The following ATP6V0A4 variants were observed in gnomAD, a reference collection of about 807,000 sequenced individuals.
The protein encoded by ATP6V0A4 is ATPase H+ transporting V0 subunit a4.
In ATP6V0A4, 86 loss-of-function variants were observed where a neutral mutation model predicts 107.3. The ratio of observed to expected loss-of-function variants is 0.80; its 90% confidence interval spans 0.67 to 0.96. The LOEUF (loss-of-function observed/expected upper bound fraction) is 0.96, where lower values mean the gene tolerates loss of function less well. Ranked by LOEUF, ATP6V0A4 falls within the 40% of genes least tolerant of loss-of-function variation. ATP6V0A4 has a pLI of 0.00. For missense variants in ATP6V0A4, 908 were observed against 1,045.6 expected, an observed-to-expected ratio of 0.87 and a Z score of 1.81; for synonymous variants, 353 against 381.4, an observed-to-expected ratio of 0.93 and a Z score of 0.87.
At chr7:138,708,194 G>A (rs1803551287) in intron 21 of ATP6V0A4, among the ~76,000 whole-genome samples, 1 of 151,984 alleles carries the variant, frequency 6.6e-6, no homozygotes, top group Admixed American at 6.6e-5. Context: ...TGGGATTACA[G>A]GCATGCGCCA....
At chr7:138,772,610 A>G (rs1033835568) in intron 2 of ATP6V0A4, among the ~76,000 whole-genome samples, 5 of 152,216 alleles carry the variant, frequency 3.3e-5, no homozygotes, top group African/African-American at 1.2e-4. Flanking sequence ...CTAGACTGAA[A>G]TAGATTAAAA....
intron 2 of ATP6V0A4, among the ~76,000 whole-genome samples, chr7:138,776,962 A>G (rs1807687400): frequency 2.6e-5 from 4 of 152,022 alleles, no homozygotes; most frequent in Admixed American, 2.6e-4. Context: ...AGCCTGGCCA[A>G]CATGGTGAAA....
Position 138,733,244 on chromosome 7 carries a change from A to G in ATP6V0A4, c.1692-151T>C, listed in dbSNP as rs887805549. The stretch of plus-strand genomic sequence containing the variant: ...AACGGCACCCCCCACCCCCCCAGCA[A>G]ACAGCAATCCTGTATGGATGCATAG... On this transcript the variant is annotated intron_variant, in intron 16 of 21. Coordinates refer to ENST00000310018, the MANE Select transcript of ATP6V0A4 (RefSeq NM_020632.3). 4 of 1,313,306 alleles carry G rather than the reference A, an allele frequency of 3.0e-6. No individual in the cohort carries two copies. In the African/African-American group the frequency reaches 6.1e-5, roughly 20 times the overall value. The allele number at this position is 1,313,306 out of a possible 1,614,324, so 81.4% of individuals were successfully genotyped here. A position where few individuals can be genotyped will look rare whatever the true frequency, so the allele number is the denominator to read the frequency against.
At chr7:138,793,419 A>G (rs1379828338) in intron 1 of ATP6V0A4, among the ~76,000 whole-genome samples, 1 of 152,240 alleles carries the variant, frequency 6.6e-6, no homozygotes, top group Non-Finnish European at 1.5e-5. Context: ...ATTGAATGCA[A>G]AAGTTGACAA....
chr7:138,796,608 C>G (rs1311639564), intron 1 of ATP6V0A4, among the ~76,000 whole-genome samples: 1 of 132,044 alleles, frequency 7.6e-6, no homozygotes, highest in Non-Finnish European at 1.7e-5. Context: ...CCCATCAACT[C>G]TAATCTGCAC....
At chr7:138,775,741 C>T (rs1262708127) in intron 2 of ATP6V0A4, among the ~76,000 whole-genome samples, 1 of 149,852 alleles carries the variant, frequency 6.7e-6, no homozygotes, top group African/African-American at 2.5e-5. Flanking sequence ...AGCTCTGCCT[C>T]CTGGGTTCAC....
intron 2 of ATP6V0A4, among the ~76,000 whole-genome samples, chr7:138,775,859 CCAG>C (rs1214388778): frequency 6.6e-6 from 1 of 152,046 alleles, no homozygotes; most frequent in Non-Finnish European, 1.5e-5. Flanking sequence ...ACCGGGTTAG[CCAG>C]GATGGTCTCG....
At chr7:138,712,784 G>A (rs557264481) in intron 20 of ATP6V0A4, among the ~76,000 whole-genome samples, 123 of 151,914 alleles carry the variant, frequency 8.1e-4, no homozygotes, top group African/African-American at 2.8e-3. Flanking sequence ...AGGACACCCC[G>A]ACACATAGGG....
chr7:138,707,394 A>AT (rs1803500121), intron 21 of ATP6V0A4, among the ~76,000 whole-genome samples: 1 of 57,330 alleles, frequency 1.7e-5, no homozygotes, highest in Non-Finnish European at 3.2e-5. Context: ...TATAAAAATA[A>AT]ATATATTATA....
chr7:138,710,192 A>T (rs1233243592), intron 20 of ATP6V0A4, among the ~76,000 whole-genome samples: 4 of 135,266 alleles, frequency 3.0e-5, no homozygotes, highest in East Asian at 2.1e-4. Context: ...CTGTCTGTTA[A>T]TTTTTTTTTT....
chr7:138,716,876 T>C (rs909289653), intron 19 of ATP6V0A4, among the ~76,000 whole-genome samples: 26 of 152,126 alleles, frequency 1.7e-4, no homozygotes, highest in African/African-American at 5.3e-4. Context: ...GGGGGACAAT[T>C]GACTGGTGCT....
chr7:138,762,001 G>A (rs1381715406), intron 7 of ATP6V0A4, among the ~76,000 whole-genome samples: 5 of 152,124 alleles, frequency 3.3e-5, no homozygotes, highest in Non-Finnish European at 7.4e-5. Flanking sequence ...ATTTTAAAGA[G>A]AAAGGAAAAA....
At chr7:138,720,769 T>C (rs961215839) in intron 19 of ATP6V0A4, among the ~76,000 whole-genome samples, 20 of 152,170 alleles carry the variant, frequency 1.3e-4, no homozygotes, top group African/African-American at 4.8e-4. Flanking sequence ...CCCCAGTAGC[T>C]GGGATTATAG....
chr7:138,713,132 T>C (rs1803832489), intron 20 of ATP6V0A4, among the ~76,000 whole-genome samples: 1 of 142,372 alleles, frequency 7.0e-6, no homozygotes, highest in East Asian at 2.0e-4. Context: ...CTACTGAAAA[T>C]ACAAAAATTA....
At chr7:138,747,952 C>T (rs561828752) in intron 12 of ATP6V0A4, among the ~76,000 whole-genome samples, 1 of 151,974 alleles carries the variant, frequency 6.6e-6, no homozygotes, top group Admixed American at 6.6e-5. Context: ...GATGAGGTCT[C>T]GCTATATTGC....
chr7:138,777,174 G>A (rs1022005916), intron 2 of ATP6V0A4, among the ~76,000 whole-genome samples: 5 of 151,822 alleles, frequency 3.3e-5, no homozygotes, highest in African/African-American at 1.2e-4. Flanking sequence ...AAAAAAGTAT[G>A]TGTATGGTAT....
intron 14 of ATP6V0A4, among the ~76,000 whole-genome samples, chr7:138,740,643 T>C (rs980011596): frequency 8.7e-5 from 13 of 150,010 alleles, no homozygotes; most frequent in Admixed American, 4.0e-4. Context: ...GGTTTCACCA[T>C]GTTGGTCAGG....
intron 17 of ATP6V0A4, among the ~76,000 whole-genome samples, chr7:138,731,848 G>A (rs907407378): frequency 3.3e-5 from 5 of 151,778 alleles, no homozygotes; most frequent in African/African-American, 7.3e-5. Context: ...AGCCAAGATC[G>A]TGCCACTGCA....
chr7:138,737,496 G>A (rs749337303), intron 15 of ATP6V0A4, among the ~76,000 whole-genome samples: 71 of 151,826 alleles, frequency 4.7e-4, no homozygotes, highest in Admixed American at 5.9e-4. Flanking sequence ...TAATACAGAC[G>A]TGTTCTGTTA....
Sources: gnomAD v4.1 joint callset for allele counts (sites outside exome capture counted in the v4.1 genomes callset) on GRCh38, gnomAD v4.1.1 for gene constraint, MANE v1.5 for transcripts, NCBI Gene and HGNC (gene_info 2026-07-23, HGNC 2026-07-21) for gene names.